Variants in SLF2 observed in about 807,000 individuals in gnomAD.
The protein encoded by SLF2 is SMC5/6 complex localization factor 2.
SLF2 carries 68 observed loss-of-function variants against 124.3 expected under a neutral mutation model. That is an observed-to-expected ratio of 0.55 (90% CI 0.45 to 0.67). The LOEUF is 0.67. Among genes scored for constraint, SLF2 ranks in the 30% least tolerant of loss-of-function variants. SLF2 has a pLI of 0.00. For missense variants in SLF2, 1,246 were observed against 1,373.7 expected, an observed-to-expected ratio of 0.91 and a Z score of 1.47; for synonymous variants, 480 against 478.8, an observed-to-expected ratio of 1.00 and a Z score of -0.03.
intron 9 of SLF2, among the ~76,000 whole-genome samples, chr10:100,931,727 C>T (rs1468673829): frequency 6.6e-6 from 1 of 152,124 alleles, no homozygotes; most frequent in East Asian, 1.9e-4. Context: ...GGAGTGGTGG[C>T]TCATGCCTGC....
intron 12 of SLF2, 25 bp downstream of exon 12, chr10:100,944,153 T>C (rs773338893): frequency 3.4e-6 from 5 of 1,461,068 alleles, no homozygotes; most frequent in Middle Eastern, 3.5e-4. Flanking sequence ...TTATGTGTCT[T>C]CTGCTCAGAG....
intron 8 of SLF2, among the ~76,000 whole-genome samples, chr10:100,930,385 C>G (rs1455948032): frequency 6.6e-6 from 1 of 152,150 alleles, no homozygotes; most frequent in East Asian, 1.9e-4. Context: ...CTAGCTCCAG[C>G]CTTTAGTTCA....
rs770315650 is a variant in SLF2 at position 100,913,208 on chromosome 10, C to A, written c.98C>A (p.Ala33Asp). ...TGCCATCTGAGACCCGGTAGTACCG[C>A]CCATGCTGCAGCGGGAAAGAGAACA... The part of the protein sequence containing the change: ...PRCHLRPGST[A>D]HAAAGKRTES... The change falls in exon 1 of 20, where the codon GCC becomes GAC. Residue 33 changes from alanine to aspartate, a missense_variant. This residue lies in a region of SLF2 where 698 missense variants were observed against 708.9 expected (regional missense o/e 0.98). Transcript: ENST00000238961. 1.2e-6 allele frequency: 2 copies of A among 1,612,316 alleles called. No individual in the cohort carries two copies. The highest frequency in any genetic ancestry group is 1.7e-6 in the Non-Finnish European group (2 of 1,179,282).
chr10:100,938,746 CTCA>C lies in SLF2; in HGVS notation c.2654+15_2654+17del, dbSNP rs765401559. 1.9e-6 allele frequency: 3 copies of C among 1,590,412 alleles called. No homozygotes were observed. Among genetic ancestry groups the C allele is most frequent in the South Asian group, 2.3e-5 (2 of 86,240 alleles). ...ATGAAGACTATCTAGTGTAAGTTTT[CTCA>C]TCATAATTAACGCCAAAAATATCAT... On this transcript the variant is annotated intron_variant, in intron 11 of 19. Transcript: ENST00000238961.
intron 11 of SLF2, among the ~76,000 whole-genome samples, chr10:100,939,627 G>A (rs535244934): frequency 2.0e-5 from 3 of 150,964 alleles, no homozygotes; most frequent in Admixed American, 6.6e-5. Flanking sequence ...ACAGTGAGCC[G>A]AGATCACACC....
At chr10:100,938,527 C>G in intron 10 of SLF2, 68 bp from the exon 11 acceptor site, 2 of 1,465,734 alleles carry the variant, frequency 1.4e-6, no homozygotes, top group Non-Finnish European at 1.8e-6. Flanking sequence ...CACCTGCAGA[C>G]TGTCACCTTG....
chr10:100,955,678 C>G (rs1850316436), intron 17 of SLF2, among the ~76,000 whole-genome samples: 1 of 152,120 alleles, frequency 6.6e-6, no homozygotes, highest in Non-Finnish European at 1.5e-5. Flanking sequence ...GAGGCTGAGG[C>G]AGGTGGATCA....
Position 100,945,516 on chromosome 10 carries a change from C to A in SLF2, c.2934+10C>A. ...AGATTGGAACACAAAGGTAATGTTA[C>A]TTAAAACTTCATTATTCATTTTTTA... is the stretch of plus-strand genomic sequence containing the variant. On this transcript the variant is annotated intron_variant, in intron 13 of 19. Transcript: ENST00000238961. 6.5e-7 allele frequency: 1 copy of A among 1,529,104 alleles called. No homozygotes were observed. Among genetic ancestry groups the A allele is most frequent in the South Asian group, 1.3e-5 (1 of 75,946 alleles). The allele number at this position is 1,529,104 out of a possible 1,614,324, so 94.7% of individuals were successfully genotyped here.
At chr10:100,947,352 G>A (rs1463643455) in intron 14 of SLF2, among the ~76,000 whole-genome samples, 2 of 150,768 alleles carry the variant, frequency 1.3e-5, no homozygotes, top group African/African-American at 4.9e-5. Context: ...TGAGACAAGA[G>A]TCTCACTCTG....
rs1564769071 is a variant in SLF2, at chr10:100,916,979, A to G, written c.594A>G (p.Lys198=). 1 of 1,614,222 alleles carries G rather than the reference A, an allele frequency of 6.2e-7. No individual in the cohort carries two copies. Among genetic ancestry groups the G allele is most frequent in the Non-Finnish European group, 8.5e-7 (1 of 1,180,030 alleles). ...RDRGKTNADS[K]KQTTVAEADI... ...GAGGCAAAACCAATGCAGACTCCAA[A>G]AAGCAGACCACAGTGGCAGAAGCTG... is the stretch of plus-strand genomic sequence containing the variant. The change falls in exon 3 of 20, where the codon AAA becomes AAG. Residue 198 remains lysine (K), a synonymous_variant. Coordinates refer to ENST00000238961, the MANE Select transcript of SLF2 (RefSeq NM_018121.4).
chr10:100,934,476 C>CT (rs1333373874), intron 9 of SLF2, among the ~76,000 whole-genome samples: 14 of 152,274 alleles, frequency 9.2e-5, no homozygotes, highest in African/African-American at 3.4e-4. Context: ...AGTGGCAGAG[C>CT]TTAACAGCAC....
At chr10:100,955,439 T>C (rs903049597) in intron 17 of SLF2, among the ~76,000 whole-genome samples, 5 of 152,072 alleles carry the variant, frequency 3.3e-5, no homozygotes, top group African/African-American at 4.8e-5. Flanking sequence ...ATTCATAAGA[T>C]ACCAACATCA....
At chr10:100,950,033 A>G (rs773945929) in intron 15 of SLF2, 43 bp from the exon 16 acceptor site, 29 of 1,499,272 alleles carry the variant, frequency 1.9e-5, no homozygotes, top group African/African-American at 9.8e-5. Context: ...AAGAACAACT[A>G]TATTATTTAG....
intron 5 of SLF2, 40 bp downstream of exon 5, chr10:100,925,012 A>C: frequency 6.5e-7 from 1 of 1,541,366 alleles, no homozygotes. Context: ...TTGAAGAGGG[A>C]AAGATGATTA....
chr10:100,913,404 A>T (rs1849359066), intron 1 of SLF2, 154 bp downstream of exon 1: 4 of 1,360,070 alleles, frequency 2.9e-6, no homozygotes, highest in Non-Finnish European at 3.8e-6. Context: ...GCCTCCGCGC[A>T]GGGGCTACTG....
Position 100,917,318 on chromosome 10 carries a change from T to C in SLF2, c.915+18T>C. The C allele has an allele frequency of 6.3e-7, 1 of 1,579,018 alleles. No homozygotes were observed. The highest frequency in any genetic ancestry group is 1.4e-5 in the African/African-American group (1 of 73,296). On this transcript the variant is annotated intron_variant, in intron 3 of 19. Coordinates refer to ENST00000238961, the MANE Select transcript of SLF2 (RefSeq NM_018121.4). ...CAAATGTGGTATGTGTAAGAATTAT[T>C]GAATTAGCATTGCTACTGCTATGTC...
In SLF2 at chr10:100,913,056, C is replaced by T; in HGVS notation, c.-55C>T. ...GGAGTCCCAGCAGCAAGACGGCAACCACGCACCCAACTTCTCCAGCCACGG... is the reference window on the plus strand; with the variant it reads ...GGAGTCCCAGCAGCAAGACGGCAACTACGCACCCAACTTCTCCAGCCACGG... On this transcript the variant is annotated 5_prime_UTR_variant, in exon 1 of 20. Transcript: ENST00000238961. 6.3e-6 allele frequency: 10 copies of T among 1,589,858 alleles called. No individual in the cohort carries two copies. The highest frequency in any genetic ancestry group is 8.6e-6 in the Non-Finnish European group (10 of 1,167,616).
At chr10:100,946,692 C>T (rs1226234174) in intron 13 of SLF2, among the ~76,000 whole-genome samples, 1 of 152,090 alleles carries the variant, frequency 6.6e-6, no homozygotes, top group African/African-American at 2.4e-5. Flanking sequence ...AAATCAGGAA[C>T]ATATATGGTC....
At chr10:100,932,920 T>C (rs1849772819) in intron 9 of SLF2, among the ~76,000 whole-genome samples, 1 of 152,126 alleles carries the variant, frequency 6.6e-6, no homozygotes, top group Non-Finnish European at 1.5e-5. Flanking sequence ...ACTCCTAAAG[T>C]GTTCCCTCAC....
Sources: gnomAD v4.1 joint callset for allele counts (sites outside exome capture counted in the v4.1 genomes callset) on GRCh38, gnomAD v4.1.1 for gene constraint, gnomAD v4.1.1 regional missense constraint, MANE v1.5 for transcripts, NCBI Gene and HGNC (gene_info 2026-07-23, HGNC 2026-07-21) for gene names.